Variants in ANKRD17 observed in about 807,000 individuals in gnomAD.
ANKRD17 encodes the protein ankyrin repeat domain 17.
ANKRD17 carries 19 observed loss-of-function variants against 229.7 expected under a neutral mutation model. That is an observed-to-expected ratio of 0.08 (90% CI 0.06 to 0.12). The LOEUF is 0.12. Among genes scored for constraint, ANKRD17 ranks in the 10% least tolerant of loss-of-function variants. The probability of loss-of-function intolerance (pLI) is 1.00; values close to 1 mark genes in which losing one functional copy is unlikely to be tolerated. For synonymous variants in ANKRD17, 1,112 were observed against 1,146.1 expected, an observed-to-expected ratio of 0.97 and a Z score of 0.60; for missense variants, 2,176 against 3,176.8, an observed-to-expected ratio of 0.68 and a Z score of 7.57.
In ANKRD17 at chr4:73,125,280, A is replaced by G; in HGVS notation, c.3267T>C (p.Leu1089=). The G allele has an allele frequency of 6.2e-7, 1 of 1,613,974 alleles. No homozygotes were observed. The highest frequency in any genetic ancestry group is 8.5e-7 in the Non-Finnish European group (1 of 1,179,926). The change falls in exon 17 of 34, where the codon CTT becomes CTC. Residue 1089 remains leucine, a synonymous_variant. Transcript: ENST00000358602. ...GTTCCTCGTGGCCACCAGCACAGGC[A>G]AGTGTTAGTGCCGTGTCATGATTAC... is the stretch of plus-strand genomic sequence containing the variant. The part of the protein sequence containing the change: ...TESNHDTALT[L]ACAGGHEELV...
chr4:73,180,083 C>A (rs1253006604), intron 1 of ANKRD17, among the ~76,000 whole-genome samples: 2 of 151,572 alleles, frequency 1.3e-5, no homozygotes, highest in Non-Finnish European at 2.9e-5. Flanking sequence ...AGATGAAATA[C>A]CATAATACAA....
At chr4:73,203,955 G>T (rs1038791535) in intron 1 of ANKRD17, among the ~76,000 whole-genome samples, 1 of 151,858 alleles carries the variant, frequency 6.6e-6, no homozygotes, top group South Asian at 2.1e-4. Flanking sequence ...AGCCATGGGG[G>T]GGAAAAAACC....
intron 25 of ANKRD17, chr4:73,098,832 C>T (rs1194269157): frequency 1.1e-5 from 17 of 1,526,302 alleles, no homozygotes; most frequent in Non-Finnish European, 1.4e-5. Context: ...ATGAGTGAGT[C>T]GAGCTTGAAG....
intron 3 of ANKRD17, among the ~76,000 whole-genome samples, chr4:73,160,818 T>C (rs1227334562): frequency 6.6e-6 from 1 of 152,200 alleles, no homozygotes; most frequent in Non-Finnish European, 1.5e-5. Context: ...AACTGTAAAA[T>C]GGCCTAATTG....
rs1325314887 is a variant in ANKRD17 at position 73,118,808 on chromosome 4, T to C, written c.4068A>G (p.Pro1356=). 3.1e-6 allele frequency: 5 copies of C among 1,613,314 alleles called. No individual in the cohort carries two copies. Among genetic ancestry groups the C allele is most frequent in the Admixed American group, 1.7e-5 (1 of 59,902 alleles). The change falls in exon 22 of 34, where the codon CCA becomes CCG. Residue 1356 remains proline, a synonymous_variant. Transcript: ENST00000358602. ...GTCCACCATTTGCTGCTAGCCACAATGGAGTGTTCCCCTTCTTGTTACGTA... is the reference window on the plus strand; with the variant it reads ...GTCCACCATTTGCTGCTAGCCACAACGGAGTGTTCCCCTTCTTGTTACGTA... ...IDVRNKKGNT[P]LWLAANGGHL...
chr4:73,236,754 G>A (rs116194941), intron 1 of ANKRD17, among the ~76,000 whole-genome samples: 362 of 152,204 alleles, frequency 2.4e-3, no homozygotes, highest in African/African-American at 8.5e-3. Context: ...AACACAGAAG[G>A]TAGTATAGTG....
chr4:73,132,182 T>C (rs1728304478), intron 16 of ANKRD17, among the ~76,000 whole-genome samples: 1 of 151,394 alleles, frequency 6.6e-6, no homozygotes. Context: ...CTTGGCTCAC[T>C]GGCCAACACT....
chr4:73,207,910 C>T (rs1190215951), intron 1 of ANKRD17, among the ~76,000 whole-genome samples: 3 of 152,008 alleles, frequency 2.0e-5, no homozygotes, highest in Admixed American at 1.3e-4. Flanking sequence ...AACTTGAGGC[C>T]GGGCACAGTG....
At chr4:73,200,387 A>G (rs980116882) in intron 1 of ANKRD17, among the ~76,000 whole-genome samples, 2 of 152,152 alleles carry the variant, frequency 1.3e-5, no homozygotes, top group East Asian at 1.9e-4. Flanking sequence ...ATTTAAGCCC[A>G]AAAGTGTAAG....
At position 73,124,991 on chromosome 4, in the gene ANKRD17, A is replaced by G. The variant is rs771863011; in HGVS notation, c.3414T>C (p.Asn1138=). Residue 1138 remains asparagine, a synonymous_variant, in exon 18 of 34, where the codon AAT becomes AAC. Coordinates refer to ENST00000358602, the MANE Select transcript of ANKRD17 (RefSeq NM_032217.5). ...CAGACTGGGCTTCAATGTCTGCACC[A>G]TTGTCCAGCAATATTTCCACAACAC... ...HVGVVEILLD[N]GADIEAQSER... 8 of 1,614,180 alleles carry G rather than the reference A, an allele frequency of 5.0e-6. No individual in the cohort carries two copies. The highest frequency in any genetic ancestry group is 2.2e-5 in the East Asian group (1 of 44,876).
At chr4:73,140,412 G>T in intron 14 of ANKRD17, 129 bp from the exon 15 acceptor site, 1 of 900,620 alleles carries the variant, frequency 1.1e-6, no homozygotes, top group Non-Finnish European at 1.5e-6. Flanking sequence ...AAAATGCACT[G>T]TTAAAAAATT....
At chr4:73,176,039 A>G (rs1440675920) in intron 2 of ANKRD17, among the ~76,000 whole-genome samples, 3 of 152,170 alleles carry the variant, frequency 2.0e-5, no homozygotes, top group Non-Finnish European at 2.9e-5. Flanking sequence ...ATGGGAGAAA[A>G]TATTTGCAAA....
rs1347144641 is a variant in ANKRD17, at chr4:73,135,193, T to C, written c.3158A>G (p.Gln1053Arg). The change falls in exon 16 of 34, where the codon CAG becomes CGG. Residue 1053 changes from glutamine to arginine, a missense_variant. Around this residue, in one of 18 missense-constraint regions of ANKRD17, gnomAD observed 230 missense variants for 252.3 expected, o/e 0.91. Coordinates refer to ENST00000358602, the MANE Select transcript of ANKRD17 (RefSeq NM_032217.5). ...HSIAASISQP[Q>R]TPTPSPIISP... is the part of the protein sequence containing the mutation. The stretch of plus-strand genomic sequence containing the variant: ...GATGATAGGACTTGGAGTTGGAGTC[T>C]GAGGTTGGGAAATGGATGCAGCAAT... The C allele has an allele frequency of 6.2e-7, 1 of 1,613,872 alleles. No individual in the cohort carries two copies.
At chr4:73,233,270 C>T (rs542957714) in intron 1 of ANKRD17, among the ~76,000 whole-genome samples, 3 of 151,968 alleles carry the variant, frequency 2.0e-5, no homozygotes, top group African/African-American at 4.8e-5. Context: ...ACCGAAAAAA[C>T]GAGCACTGAC....
At chr4:73,162,474 G>A (rs1305370793) in intron 2 of ANKRD17, among the ~76,000 whole-genome samples, 2 of 151,914 alleles carry the variant, frequency 1.3e-5, no homozygotes, top group African/African-American at 2.4e-5. Flanking sequence ...CCAATTACAG[G>A]TGTAAACTAC....
intron 1 of ANKRD17, among the ~76,000 whole-genome samples, chr4:73,202,090 A>G (rs565486819): frequency 1.3e-5 from 2 of 152,264 alleles, no homozygotes; most frequent in East Asian, 3.9e-4. Flanking sequence ...CAGTAGGTCT[A>G]CTTTAGCATA....
At chr4:73,135,470 T>C (rs1039637510) in intron 15 of ANKRD17, among the ~76,000 whole-genome samples, 3 of 152,132 alleles carry the variant, frequency 2.0e-5, no homozygotes, top group African/African-American at 7.2e-5. Context: ...ATTTTCTAAA[T>C]AATAATCCAA....
intron 1 of ANKRD17, among the ~76,000 whole-genome samples, chr4:73,219,908 TG>T (rs1326886101): frequency 6.6e-6 from 1 of 152,154 alleles, no homozygotes; most frequent in Admixed American, 6.5e-5. Context: ...TGGAAATATC[TG>T]TGAAGATTTC....
intron 18 of ANKRD17, among the ~76,000 whole-genome samples, chr4:73,124,631 C>G (rs904901643): frequency 7.9e-5 from 12 of 152,164 alleles, no homozygotes; most frequent in Admixed American, 3.3e-4. Flanking sequence ...AGGCCCTGTA[C>G]ATTAGGAACT....
Sources: allele counts gnomAD v4.1 joint callset (sites outside exome capture counted in the v4.1 genomes callset), GRCh38; gene constraint gnomAD v4.1.1; regional missense constraint gnomAD v4.1.1; transcripts MANE v1.5; gene names NCBI Gene and HGNC (gene_info 2026-07-23, HGNC 2026-07-21).